GRIA2: variants seen among roughly 807,000 people sequenced by gnomAD.
GRIA2 encodes glutamate ionotropic receptor AMPA type subunit 2.
In GRIA2, 14 loss-of-function variants were observed where a neutral mutation model predicts 97.3. The ratio of observed to expected loss-of-function variants is 0.14; its 90% CI spans 0.10 to 0.23. The LOEUF is 0.23. Among genes scored for constraint, GRIA2 ranks in the 10% least tolerant of loss-of-function variants. GRIA2 has a pLI of 1.00. For missense variants in GRIA2, 558 were observed against 1,069.8 expected, an observed-to-expected ratio of 0.52 and a Z score of 6.67; for synonymous variants, 412 against 387.8, an observed-to-expected ratio of 1.06 and a Z score of -0.73.
rs911854368 is a variant in GRIA2, at chr4:157,363,661, G to C, written c.*230G>C. ...TTCTTGTGTGTTTATTGTCAAAGTG[G>C]TGAGAGGCATCCAGTATCTTGAAGA... is the stretch of plus-strand genomic sequence containing the variant. On this transcript the variant is annotated 3_prime_UTR_variant, in exon 16 of 16. Coordinates refer to ENST00000264426, the MANE Select transcript of GRIA2 (RefSeq NM_001083619.3). 11 of 917,456 alleles carry C rather than the reference G, an allele frequency of 1.2e-5. No individual in the cohort carries two copies. Among genetic ancestry groups the C allele is most frequent in the East Asian group, 6.6e-5 (2 of 30,272 alleles). 56.8% of individuals were successfully genotyped at this position (917,456 alleles called of 1,614,324 possible).
rs750690951 is a variant in GRIA2 at position 157,312,924 on chromosome 4, C to T, written c.666+49C>T. On this transcript the variant is annotated intron_variant, in intron 4 of 15. Transcript: ENST00000264426. Reference sequence around the variant, plus strand: ...TGATGCCAGATATAGAATATGCATGCAATGTCAGCATTTGCAATGTGTATT... The same window carrying T: ...TGATGCCAGATATAGAATATGCATGTAATGTCAGCATTTGCAATGTGTATT... 6 of 1,085,884 alleles carry T rather than the reference C, an allele frequency of 5.5e-6. No homozygotes were observed. The Admixed American group carries it at 9.0e-5, about 16-fold the overall frequency. 67.3% of individuals were successfully genotyped at this position (1,085,884 alleles called of 1,614,324 possible).
intron 12 of GRIA2, among the ~76,000 whole-genome samples, chr4:157,349,881 A>G (rs1486663953): frequency 3.3e-5 from 5 of 152,194 alleles, no homozygotes; most frequent in African/African-American, 1.2e-4. Flanking sequence ...CACATTGCAG[A>G]TAAGTTCCTT....
intron 12 of GRIA2, among the ~76,000 whole-genome samples, chr4:157,343,309 T>A (rs1210771846): frequency 2.0e-5 from 3 of 152,080 alleles, no homozygotes; most frequent in African/African-American, 7.2e-5. Context: ...GTCAGGGCAA[T>A]GATTTTTGTT....
intron 3 of GRIA2, among the ~76,000 whole-genome samples, chr4:157,307,729 T>C (rs1733903530): frequency 1.3e-5 from 2 of 152,222 alleles, no homozygotes; most frequent in South Asian, 4.1e-4. Context: ...AATACATTTC[T>C]ACAGAGAGTA....
intron 2 of GRIA2, among the ~76,000 whole-genome samples, chr4:157,236,375 C>G (rs544627789): frequency 6.6e-6 from 1 of 152,184 alleles, no homozygotes. Context: ...ATAATATACA[C>G]TGTTCTTTAT....
chr4:157,256,272 T>C (rs1177017895), intron 2 of GRIA2, among the ~76,000 whole-genome samples: 9 of 129,962 alleles, frequency 6.9e-5, no homozygotes, highest in Non-Finnish European at 1.6e-5. Flanking sequence ...ATTACATATA[T>C]ATGTTATATA....
At chr4:157,257,165 C>G (rs1344396853) in intron 2 of GRIA2, among the ~76,000 whole-genome samples, 1 of 152,044 alleles carries the variant, frequency 6.6e-6, no homozygotes, top group African/African-American at 2.4e-5. Context: ...CAGATAAACA[C>G]AGAGGTTAAC....
At chr4:157,350,944 T>C (rs1672143389) in intron 12 of GRIA2, among the ~76,000 whole-genome samples, 1 of 150,794 alleles carries the variant, frequency 6.6e-6, no homozygotes, top group Non-Finnish European at 1.5e-5. Flanking sequence ...TTTTTTTTTT[T>C]TTTTGCTCAT....
chr4:157,280,845 A>G (rs2126813270), intron 2 of GRIA2, among the ~76,000 whole-genome samples: 1 of 152,102 alleles, frequency 6.6e-6, no homozygotes, highest in Admixed American at 6.6e-5. Context: ...AGGAGTCATG[A>G]TTTATTCTGA....
At chr4:157,247,537 G>A (rs1054375042) in intron 2 of GRIA2, among the ~76,000 whole-genome samples, 7 of 151,204 alleles carry the variant, frequency 4.6e-5, no homozygotes, top group African/African-American at 1.5e-4. Flanking sequence ...GGGCACATAC[G>A]TAATCACACA....
intron 9 of GRIA2, 179 bp from the exon 10 acceptor site, chr4:157,335,492 G>A (rs764385018): frequency 8.3e-5 from 49 of 588,908 alleles, no homozygotes; most frequent in Admixed American, 1.5e-4. Flanking sequence ...TAGACATTCC[G>A]AGGCTTTCTG....
In GRIA2 at chr4:157,295,441, A is replaced by G. The variant is rs1291186911; in HGVS notation, c.230-8111A>G. Reference sequence around the variant, plus strand: ...GAAAATGTCATTGGGGTGTATGTTTATTATTCTTTGCATTTCCTCTGAATC... The same window carrying G: ...GAAAATGTCATTGGGGTGTATGTTTGTTATTCTTTGCATTTCCTCTGAATC... On this transcript the variant is annotated intron_variant, in intron 2 of 15. Coordinates refer to ENST00000264426, the MANE Select transcript of GRIA2 (RefSeq NM_001083619.3). Among the ~76,000 whole-genome samples the G allele has an allele frequency of 9.9e-5, 15 of 152,086 alleles. 1 individual carries two copies. The highest frequency in any genetic ancestry group is 9.2e-4 in the Admixed American group (14 of 15,250).
intron 2 of GRIA2, among the ~76,000 whole-genome samples, chr4:157,261,729 G>A (rs1226286962): frequency 6.6e-6 from 1 of 152,044 alleles, no homozygotes; most frequent in Non-Finnish European, 1.5e-5. Context: ...CAGCTCAGTT[G>A]CTTATTATCT....
intron 2 of GRIA2, among the ~76,000 whole-genome samples, chr4:157,228,337 G>A (rs553489586): frequency 6.6e-6 from 1 of 152,126 alleles, no homozygotes; most frequent in African/African-American, 2.4e-5. Flanking sequence ...TTTAGACAGA[G>A]GTGTATTATA....
At chr4:157,272,185 G>A (rs1336004901) in intron 2 of GRIA2, among the ~76,000 whole-genome samples, 1 of 152,026 alleles carries the variant, frequency 6.6e-6, no homozygotes, top group African/African-American at 2.4e-5. Context: ...GAATCAGCAT[G>A]GTAAAGGGAA....
intron 2 of GRIA2, among the ~76,000 whole-genome samples, chr4:157,297,143 A>G (rs556822261): frequency 3.4e-4 from 52 of 152,248 alleles, no homozygotes; most frequent in Non-Finnish European, 5.1e-4. Flanking sequence ...CATCTAGTCA[A>G]TAGATGTTTA....
intron 11 of GRIA2, among the ~76,000 whole-genome samples, chr4:157,340,326 A>T (rs2126949432): frequency 6.6e-6 from 1 of 152,050 alleles, no homozygotes; most frequent in African/African-American, 2.4e-5. Flanking sequence ...ATATCACTTA[A>T]ATACTTAGTT....
At chr4:157,226,190 A>G (rs1408109684) in intron 2 of GRIA2, among the ~76,000 whole-genome samples, 5 of 152,062 alleles carry the variant, frequency 3.3e-5, no homozygotes, top group Non-Finnish European at 5.9e-5. Flanking sequence ...AAAATATTAA[A>G]TTGAAGGAAA....
chr4:157,334,045 T>C lies in GRIA2; in HGVS notation c.1191T>C (p.Val397=), dbSNP rs371502548. The C allele has an allele frequency of 8.7e-6, 14 of 1,609,168 alleles. No individual in the cohort carries two copies. The highest frequency in any genetic ancestry group is 2.7e-5 in the African/African-American group (2 of 74,732). Reference sequence around the variant, plus strand: ...GGAGTGAAGTGGACAAAATGGTTGTTACCCTTACTGAGCTCCCTTCTGGAA... The same window carrying C: ...GGAGTGAAGTGGACAAAATGGTTGTCACCCTTACTGAGCTCCCTTCTGGAA... The part of the protein sequence containing the change: ...GYWSEVDKMV[V]TLTELPSGND... Residue 397 remains valine, a synonymous_variant, in exon 9 of 16, where the codon GTT becomes GTC. Coordinates refer to ENST00000264426, the MANE Select transcript of GRIA2 (RefSeq NM_001083619.3).
Sources: allele counts gnomAD v4.1 joint callset (sites outside exome capture counted in the v4.1 genomes callset), GRCh38; gene constraint gnomAD v4.1.1; transcripts MANE v1.5; gene names NCBI Gene and HGNC (gene_info 2026-07-23, HGNC 2026-07-21).